LARP4B: variants seen among roughly 807,000 people sequenced by gnomAD.
The protein encoded by LARP4B is la-related protein 4B.
In LARP4B, 12 loss-of-function variants were observed where a neutral mutation model predicts 89.8. The observed-to-expected ratio is 0.13, with a 90% confidence interval of 0.09 to 0.22. LARP4B has a LOEUF of 0.22. LARP4B is among the 10% of genes least tolerant of loss of function. The pLI, the probability that LARP4B is intolerant of heterozygous loss-of-function variation, is 1.00. For synonymous variants in LARP4B, 367 were observed against 363.3 expected (o/e 1.01, Z -0.12); for missense variants, 757 against 947.7 (o/e 0.80, Z 2.64).
chr10:818,460 G>A (rs1292880830), intron 14 of LARP4B: 1 of 152,142 alleles, frequency 6.6e-6, no homozygotes, highest in Non-Finnish European at 1.5e-5. Flanking sequence ...CTTAATGAAA[G>A]TTTATATTTT....
chr10:846,952 A>AT (rs1337011294), intron 5 of LARP4B, among the ~76,000 whole-genome samples: 1 of 152,238 alleles, frequency 6.6e-6, no homozygotes, highest in African/African-American at 2.4e-5. Context: ...ATCATCCACT[A>AT]TAACATGACA....
chr10:825,692 A>C, intron 12 of LARP4B, 72 bp downstream of exon 12: 1 of 988,032 alleles, frequency 1.0e-6, no homozygotes, highest in Non-Finnish European at 1.6e-6. Flanking sequence ...TAGTGATCAA[A>C]GCTCTCTCAT....
At chr10:807,586 G>A (rs1281300731), downstream of LARP4B, 3 of 152,364 alleles carry the variant, frequency 2.0e-5, no homozygotes, top group East Asian at 1.9e-4. Context: ...CGGGGCTCAC[G>A]CCTGCAGGGA....
the LARP4B span, among the ~76,000 whole-genome samples, chr10:941,936 T>A: frequency 6.6e-6 from 1 of 152,144 alleles, no homozygotes; most frequent in African/African-American, 2.4e-5. Context: ...CTAGCATGTA[T>A]GGCTCAGTAC....
intron 1 of LARP4B, among the ~76,000 whole-genome samples, chr10:917,705 C>G (rs1836861184): frequency 6.6e-6 from 1 of 152,218 alleles, no homozygotes; most frequent in Non-Finnish European, 1.5e-5. Flanking sequence ...GTAAGTATTA[C>G]CAGCATAGTC....
the LARP4B span, among the ~76,000 whole-genome samples, chr10:954,690 G>A: frequency 2.6e-5 from 4 of 152,102 alleles, no homozygotes; most frequent in East Asian, 3.8e-4. This position sits in a 1 kb window ranked among gnomAD's most constrained non-coding sequence, Gnocchi z 5.0. Flanking sequence ...GGTACCGGCC[G>A]GGCGCATTCG....
At chr10:940,012 ATTTTTTTTT>A in the LARP4B span, among the ~76,000 whole-genome samples, 2 of 118,806 alleles carry the variant, frequency 1.7e-5, no homozygotes, top group Non-Finnish European at 3.6e-5. Flanking sequence ...CGCCCGGCTA[ATTTTTTTTT>A]TTTTTTTTTT....
intron 1 of LARP4B, among the ~76,000 whole-genome samples, chr10:899,538 C>T (rs1836276705): frequency 6.6e-6 from 1 of 152,228 alleles, no homozygotes; most frequent in Non-Finnish European, 1.5e-5. Flanking sequence ...TATATTACAA[C>T]TTACCTTGAT....
the LARP4B span, chr10:985,898 A>G: frequency 6.6e-6 from 1 of 152,262 alleles, no homozygotes; most frequent in African/African-American, 2.4e-5. Context: ...GTTCCTGTCC[A>G]CGAAGAGCTG....
chr10:944,971 T>C, the LARP4B span, among the ~76,000 whole-genome samples: 1 of 152,264 alleles, frequency 6.6e-6, no homozygotes, highest in African/African-American at 2.4e-5. Flanking sequence ...AAGTGCTTGT[T>C]GATACTTGTG....
intron 11 of LARP4B, among the ~76,000 whole-genome samples, chr10:826,486 C>A (rs1417663431): frequency 6.6e-6 from 1 of 152,190 alleles, no homozygotes; most frequent in Non-Finnish European, 1.5e-5. Context: ...CCTAAAAGAT[C>A]TTAAGTAGTT....
At chr10:887,279 T>C (rs1835886007) in intron 1 of LARP4B, among the ~76,000 whole-genome samples, 1 of 152,162 alleles carries the variant, frequency 6.6e-6, no homozygotes, top group Non-Finnish European at 1.5e-5. Context: ...TGAGAGTATA[T>C]TTTAGGTGCT....
At chr10:985,879 T>A in the LARP4B span, 2 of 152,164 alleles carry the variant, frequency 1.3e-5, no homozygotes, top group African/African-American at 2.4e-5. Flanking sequence ...GGCAAAAAAG[T>A]AAGACACAGT....
chr10:932,319 C>T, upstream of LARP4B, among the ~76,000 whole-genome samples: 1 of 150,094 alleles, frequency 6.7e-6, no homozygotes, highest in African/African-American at 2.5e-5. Flanking sequence ...CACCCCACAC[C>T]CGGGACCCAG....
intron 1 of LARP4B, among the ~76,000 whole-genome samples, chr10:913,242 A>C (rs182043016): frequency 1.3e-5 from 2 of 152,194 alleles, no homozygotes; most frequent in African/African-American, 2.4e-5. Flanking sequence ...GAGGGGGGGA[A>C]TTATTTTCAC....
chr10:846,522 G>C (rs1304723326), intron 5 of LARP4B, among the ~76,000 whole-genome samples: 1 of 152,182 alleles, frequency 6.6e-6, no homozygotes, highest in African/African-American at 2.4e-5. Flanking sequence ...AAGGGGTAGA[G>C]TCCAGCAGTA....
upstream of LARP4B, among the ~76,000 whole-genome samples, chr10:931,988 C>A (rs1446017997): frequency 1.3e-5 from 2 of 148,730 alleles, no homozygotes; most frequent in African/African-American, 4.9e-5. Context: ...CCGCCCCGCC[C>A]GCCCCGCCCG....
chr10:947,843 G>A, the LARP4B span, among the ~76,000 whole-genome samples: 1 of 152,012 alleles, frequency 6.6e-6, no homozygotes, highest in Non-Finnish European at 1.5e-5. Context: ...GGCTGGTCTC[G>A]AACTTCTGAC....
At chr10:903,720 AG>A (rs1327336595) in intron 1 of LARP4B, among the ~76,000 whole-genome samples, 4 of 152,206 alleles carry the variant, frequency 2.6e-5, no homozygotes. Context: ...CATTTCTTCA[AG>A]GAATACAGAT....
Sources: allele counts gnomAD v4.1 joint callset (sites outside exome capture counted in the v4.1 genomes callset), GRCh38; gene constraint gnomAD v4.1.1; non-coding constraint Gnocchi (gnomAD v3.1); transcripts MANE v1.5; gene names NCBI Gene and HGNC (gene_info 2026-07-23, HGNC 2026-07-21).